Variants in PLXNA2 observed in about 807,000 individuals in gnomAD.
The protein encoded by PLXNA2 is plexin A2, also known as plexin-A2.
Under a neutral mutation model 193.5 loss-of-function variants are expected in PLXNA2, and 91 were observed. The ratio of observed to expected loss-of-function variants is 0.47; its 90% CI spans 0.40 to 0.56. The LOEUF (loss-of-function observed/expected upper bound fraction) is 0.56, where lower values mean the gene tolerates loss of function less well. Among genes scored for constraint, PLXNA2 ranks in the 20% least tolerant of loss-of-function variants. PLXNA2 has a pLI of 0.00. For missense variants in PLXNA2, 1,995 were observed against 2,503.2 expected (o/e 0.80, Z 4.33); for synonymous variants, 997 against 1,027.3 (o/e 0.97, Z 0.56).
intron 3 of PLXNA2, among the ~76,000 whole-genome samples, chr1:208,187,372 C>G (rs1670042183): frequency 6.6e-6 from 1 of 152,096 alleles, no homozygotes; most frequent in African/African-American, 2.4e-5. Context: ...TGTTACATAG[C>G]CCAGAGAGGC....
chr1:208,114,850 G>C (rs1392218985), intron 4 of PLXNA2, among the ~76,000 whole-genome samples: 1 of 152,234 alleles, frequency 6.6e-6, no homozygotes, highest in East Asian at 1.9e-4. Flanking sequence ...GAAAGAGAGA[G>C]AGAGCGAGAG....
intron 3 of PLXNA2, among the ~76,000 whole-genome samples, chr1:208,167,192 C>T (rs1669336905): frequency 6.6e-6 from 1 of 152,120 alleles, no homozygotes; most frequent in African/African-American, 2.4e-5. Flanking sequence ...TGAGGACTCC[C>T]CTGACTATGG....
chr1:208,038,964 A>G lies in PLXNA2; in HGVS notation c.4521T>C (p.Pro1507=), dbSNP rs764761731. The change falls in exon 25 of 32, where the codon CCT becomes CCC. Residue 1507 remains proline, a synonymous_variant. Transcript: ENST00000367033. This position sits in a 1 kb window ranked among gnomAD's most constrained non-coding sequence, Gnocchi z 4.1. The part of the protein sequence containing the change: ...YKTLILNCVN[P]DNENSPEIPV... ...GGATCTCTGGACTGTTCTCGTTGTC[A>G]GGGTTGACGCAGTTCAGGATCTACA... 1 of 1,614,034 alleles carries G rather than the reference A, an allele frequency of 6.2e-7. No homozygotes were observed. Among genetic ancestry groups the G allele is most frequent in the Admixed American group, 1.7e-5 (1 of 60,018 alleles).
intron 4 of PLXNA2, among the ~76,000 whole-genome samples, chr1:208,139,981 T>C (rs11590861): frequency 3.9e-5 from 6 of 152,184 alleles, no homozygotes; most frequent in Non-Finnish European, 7.3e-5. Context: ...CACAGCTCCA[T>C]CTGGTACAGG....
chr1:208,105,112 C>A (rs903606428), intron 4 of PLXNA2, among the ~76,000 whole-genome samples: 1 of 152,244 alleles, frequency 6.6e-6, no homozygotes, highest in Non-Finnish European at 1.5e-5. Context: ...CAGGTCTCCG[C>A]AGCCTGCCCT....
chr1:208,070,945 G>A (rs768061085), intron 12 of PLXNA2, among the ~76,000 whole-genome samples: 6 of 152,070 alleles, frequency 3.9e-5, no homozygotes, highest in East Asian at 3.9e-4. Context: ...TTTCACGAGC[G>A]TCCTGTGCAG....
chr1:208,150,651 T>C (rs1049991708), intron 3 of PLXNA2, among the ~76,000 whole-genome samples: 1 of 152,148 alleles, frequency 6.6e-6, no homozygotes, highest in African/African-American at 2.4e-5. Context: ...TTGTGGCGTC[T>C]CTGCTCCCTC....
rs372595093 is a variant in PLXNA2, at chr1:208,128,694, TC to T, written c.1506+13634del. 3.2e-4 allele frequency among the ~76,000 whole-genome samples: 27 copies of T among 83,608 alleles called. No homozygotes were observed. The South Asian group carries it at 8.5e-3, about 26-fold the overall frequency. 54.9% of individuals were successfully genotyped at this position (83,608 alleles called of 152,430 possible). A position where few individuals can be genotyped will look rare whatever the true frequency, so the allele number is the denominator to read the frequency against. On this transcript the variant is annotated intron_variant, in intron 4 of 31. Transcript: ENST00000367033. ...CTCCAACAAGTGTTTCCTGTTTCTT[TC>T]TTTTTTTTTTTTTTTTTTTTTTTTG...
chr1:208,190,541 C>T (rs1269846661), intron 3 of PLXNA2, among the ~76,000 whole-genome samples: 1 of 152,204 alleles, frequency 6.6e-6, no homozygotes, highest in African/African-American at 2.4e-5. Flanking sequence ...GTTTGTCAAC[C>T]TCAGTACTAT....
At chr1:208,043,989 C>T (rs907161894) in intron 20 of PLXNA2, among the ~76,000 whole-genome samples, 2 of 152,248 alleles carry the variant, frequency 1.3e-5, no homozygotes, top group Non-Finnish European at 1.5e-5. Context: ...TCTGCACTCC[C>T]ACACACGTCC....
intron 6 of PLXNA2, among the ~76,000 whole-genome samples, chr1:208,098,452 TCTCTCTCACACA>T (rs1051053671): frequency 9.1e-5 from 11 of 120,832 alleles, no homozygotes; most frequent in Admixed American, 5.4e-4. Context: ...TCTCTCTCTC[TCTCTCTCACACA>T]CACACACACA....
At chr1:208,211,199 T>C (rs1295485764) in intron 2 of PLXNA2, among the ~76,000 whole-genome samples, 1 of 152,218 alleles carries the variant, frequency 6.6e-6, no homozygotes, top group African/African-American at 2.4e-5. Context: ...TGCAAAAGAT[T>C]TGTGTTAAGT....
At chr1:208,102,266 G>A (rs894198555) in intron 5 of PLXNA2, among the ~76,000 whole-genome samples, 1 of 152,174 alleles carries the variant, frequency 6.6e-6, no homozygotes, top group Non-Finnish European at 1.5e-5. Flanking sequence ...CTGGCCCTCC[G>A]CCTCCGCCTC....
At chr1:208,205,303 T>C (rs1230726151) in intron 3 of PLXNA2, among the ~76,000 whole-genome samples, 4 of 152,178 alleles carry the variant, frequency 2.6e-5, no homozygotes, top group African/African-American at 9.7e-5. Flanking sequence ...TCATCTGGAC[T>C]CCCACTGCCT....
chr1:208,037,205 T>G (rs530438328), intron 26 of PLXNA2, among the ~76,000 whole-genome samples: 2 of 151,744 alleles, frequency 1.3e-5, no homozygotes, highest in South Asian at 4.2e-4. Context: ...CACCAAGGAG[T>G]GGGGAAGCAG....
At chr1:208,165,585 C>A (rs145432783) in intron 3 of PLXNA2, among the ~76,000 whole-genome samples, 36 of 152,274 alleles carry the variant, frequency 2.4e-4, no homozygotes, top group African/African-American at 8.2e-4. Context: ...AACAACGGGG[C>A]AGCTTTCGTC....
At position 208,210,308 on chromosome 1, in the gene PLXNA2, A is replaced by G. The variant is rs772553496; in HGVS notation, c.1343T>C (p.Val448Ala). 2.5e-6 allele frequency: 4 copies of G among 1,613,890 alleles called. No homozygotes were observed. The Admixed American group carries it at 5.0e-5, about 20-fold the overall frequency. ...TTTCAGCTTGCCACTCTTAGTCCCC[A>G]CAAAAACCACGCTGTAGCCGTTGTA... ...YVYNGYSVVF[V>A]GTKSGKLKKI... The change falls in exon 3 of 32, where the codon GTG becomes GCG. Residue 448 changes from valine to alanine, a missense_variant. Coordinates refer to ENST00000367033, the MANE Select transcript of PLXNA2 (RefSeq NM_025179.4).
In PLXNA2 at chr1:208,035,520, C is replaced by T. The variant is rs569419090; in HGVS notation, c.4765-928G>A. On this transcript the variant is annotated intron_variant, in intron 26 of 31. Coordinates refer to ENST00000367033, the MANE Select transcript of PLXNA2 (RefSeq NM_025179.4). ...TCAGCACCCAGCCTGCAGGAGAGGG[C>T]GGATAAGTGAGGAGCCATACTGAAG... 1.1e-4 allele frequency among the ~76,000 whole-genome samples: 16 copies of T among 152,150 alleles called. No homozygotes were observed. In the East Asian group the frequency reaches 2.1e-3, roughly 20 times the overall value.
intron 1 of PLXNA2, among the ~76,000 whole-genome samples, chr1:208,231,439 G>A (rs755940722): frequency 7.9e-5 from 12 of 152,084 alleles, no homozygotes; most frequent in African/African-American, 2.2e-4. Context: ...AACATGTTCC[G>A]CACCGGATGA....
Sources: gnomAD v4.1 joint callset for allele counts (sites outside exome capture counted in the v4.1 genomes callset) on GRCh38, gnomAD v4.1.1 for gene constraint, Gnocchi (gnomAD v3.1) non-coding constraint, MANE v1.5 for transcripts, NCBI Gene and HGNC (gene_info 2026-07-23, HGNC 2026-07-21) for gene names.